The following SLC39A11 variants were observed in gnomAD, a reference collection of about 807,000 sequenced individuals.
SLC39A11 encodes the protein solute carrier family 39 member 11, also known as zinc transporter ZIP11.
Under a neutral mutation model 36.1 loss-of-function variants are expected in SLC39A11, and 33 were observed. That is an observed-to-expected ratio of 0.91 (90% CI 0.69 to 1.22). The LOEUF (loss-of-function observed/expected upper bound fraction) is 1.22, where lower values mean the gene tolerates loss of function less well. Among genes scored for constraint, SLC39A11 ranks in the 50% most tolerant of loss-of-function variants. The pLI, the probability that SLC39A11 is intolerant of heterozygous loss-of-function variation, is 0.00. For missense variants in SLC39A11, 432 were observed against 430.3 expected (o/e 1.00, Z -0.03); for synonymous variants, 166 against 170.3 (o/e 0.97, Z 0.20).
chr17:72,782,162 A>G (rs1159256660), intron 6 of SLC39A11, among the ~76,000 whole-genome samples: 4 of 152,172 alleles, frequency 2.6e-5, no homozygotes, highest in Admixed American at 2.6e-4. Flanking sequence ...AAGCAGACAT[A>G]GAGACACCCA....
chr17:72,947,964 C>A, intron 4 of SLC39A11, 89 bp from the exon 5 acceptor site: 1 of 1,526,414 alleles, frequency 6.6e-7, no homozygotes, highest in Non-Finnish European at 8.9e-7. Flanking sequence ...AGGCAACTTG[C>A]CAGTCTCTAC....
intron 3 of SLC39A11, chr17:73,067,980 C>T (rs1468503058): frequency 1.0e-5 from 16 of 1,592,652 alleles, no homozygotes; most frequent in African/African-American, 1.3e-5. Context: ...GACTGATTCA[C>T]ATAAATAAAC....
intron 6 of SLC39A11, among the ~76,000 whole-genome samples, chr17:72,753,422 A>T (rs2075231839): frequency 6.6e-6 from 1 of 152,186 alleles, no homozygotes; most frequent in African/African-American, 2.4e-5. Flanking sequence ...TTTCTAAAAG[A>T]ATTCTGGCAA....
chr17:72,918,634 T>C (rs1242658533), intron 5 of SLC39A11, among the ~76,000 whole-genome samples: 1 of 152,192 alleles, frequency 6.6e-6, no homozygotes, highest in Non-Finnish European at 1.5e-5. Context: ...TGGCCCCAGC[T>C]TTCCCAAAAC....
chr17:72,759,309 G>A (rs2075483471), intron 6 of SLC39A11, among the ~76,000 whole-genome samples: 1 of 152,008 alleles, frequency 6.6e-6, no homozygotes. Context: ...TTCTAAAACA[G>A]ACAAATGAGC....
chr17:72,937,216 G>A (rs1438843913), intron 5 of SLC39A11, among the ~76,000 whole-genome samples: 1 of 152,290 alleles, frequency 6.6e-6, no homozygotes, highest in East Asian at 1.9e-4. Flanking sequence ...CGAGGCGGGT[G>A]GATCGCCTGA....
chr17:72,919,125 T>C (rs1260292958), intron 5 of SLC39A11, among the ~76,000 whole-genome samples: 1 of 151,950 alleles, frequency 6.6e-6, no homozygotes, highest in Non-Finnish European at 1.5e-5. Flanking sequence ...CCAAACCTGG[T>C]TTAATAAAAT....
At chr17:72,812,453 T>C (rs2077462348) in intron 6 of SLC39A11, among the ~76,000 whole-genome samples, 1 of 152,222 alleles carries the variant, frequency 6.6e-6, no homozygotes, top group African/African-American at 2.4e-5. Flanking sequence ...GCAATTTAAT[T>C]GCATCATTCA....
chr17:72,972,454 A>G (rs1046284970), intron 4 of SLC39A11, among the ~76,000 whole-genome samples: 6 of 152,160 alleles, frequency 3.9e-5, no homozygotes, highest in African/African-American at 9.7e-5. Context: ...CTAAAATCCA[A>G]TAAGTATGGA....
chr17:72,850,592 G>A (rs1029727750), intron 5 of SLC39A11, among the ~76,000 whole-genome samples: 3 of 152,192 alleles, frequency 2.0e-5, no homozygotes, highest in Non-Finnish European at 4.4e-5. Flanking sequence ...CATGATTAGA[G>A]ACACAGATGC....
chr17:72,855,251 T>C (rs570997052), intron 5 of SLC39A11, among the ~76,000 whole-genome samples: 26 of 152,320 alleles, frequency 1.7e-4, no homozygotes, highest in African/African-American at 5.5e-4. Context: ...TCCGTTTTCA[T>C]AGCCCACGGG....
chr17:72,954,144 T>G (rs2086078235), intron 4 of SLC39A11, among the ~76,000 whole-genome samples: 2 of 152,138 alleles, frequency 1.3e-5, no homozygotes, highest in Non-Finnish European at 2.9e-5. Flanking sequence ...CCTCCCTAAT[T>G]AAAGTGATTC....
intron 7 of SLC39A11, among the ~76,000 whole-genome samples, chr17:72,654,783 G>C (rs2070028206): frequency 6.6e-6 from 1 of 152,220 alleles, no homozygotes; most frequent in Admixed American, 6.5e-5. Context: ...ATATTCACAG[G>C]CAGGCACACG....
chr17:72,797,306 C>T (rs150616195), intron 6 of SLC39A11, among the ~76,000 whole-genome samples: 5 of 152,152 alleles, frequency 3.3e-5, no homozygotes, highest in East Asian at 3.9e-4. Context: ...GGAGGCAATA[C>T]GGAGCCTCTG....
intron 7 of SLC39A11, among the ~76,000 whole-genome samples, chr17:72,723,667 T>A (rs1350799528): frequency 6.6e-6 from 1 of 152,198 alleles, no homozygotes; most frequent in African/African-American, 2.4e-5. Flanking sequence ...ATTTGTTCCA[T>A]CAGTCCTGGG....
intron 5 of SLC39A11, among the ~76,000 whole-genome samples, chr17:72,928,550 G>A (rs760865557): frequency 2.0e-5 from 3 of 152,170 alleles, no homozygotes; most frequent in Non-Finnish European, 4.4e-5. Flanking sequence ...GTGGGAAAAA[G>A]TGGAGACTGA....
intron 4 of SLC39A11, among the ~76,000 whole-genome samples, chr17:73,004,487 A>G (rs1251362365): frequency 1.3e-5 from 2 of 152,158 alleles, no homozygotes; most frequent in African/African-American, 2.4e-5. Flanking sequence ...CATCCTCACG[A>G]CATCATCTAA....
rs191461187 is a variant in SLC39A11 at position 72,877,976 on chromosome 17, C to G, written c.431-28172G>C. On this transcript the variant is annotated intron_variant, in intron 5 of 9. Transcript: ENST00000255559. ...TAATGCTATCCCTCCTCCCTCCCCC[C>G]ACCCCACAACAGGCCCCAGTGCGTG... 1.9e-4 allele frequency among the ~76,000 whole-genome samples: 21 copies of G among 111,942 alleles called. No homozygotes were observed. The South Asian group carries it at 6.3e-3, about 34-fold the overall frequency. The allele number at this position is 111,942 out of a possible 152,430, so 73.4% of individuals were successfully genotyped here.
At chr17:73,062,610 CT>C (rs202131420) in intron 3 of SLC39A11, among the ~76,000 whole-genome samples, 6 of 134,854 alleles carry the variant, frequency 4.4e-5, no homozygotes, top group Admixed American at 2.3e-4. Flanking sequence ...TGGATAGAAA[CT>C]TTCCATGTAG....
Sources: allele counts gnomAD v4.1 joint callset (sites outside exome capture counted in the v4.1 genomes callset), GRCh38; gene constraint gnomAD v4.1.1; transcripts MANE v1.5; gene names NCBI Gene and HGNC (gene_info 2026-07-23, HGNC 2026-07-21).